RABGAP1L: variants seen among roughly 807,000 people sequenced by gnomAD.
RABGAP1L encodes RAB GTPase activating protein 1 like.
In RABGAP1L, 63 loss-of-function variants were observed where a neutral mutation model predicts 137.7. The ratio of observed to expected loss-of-function variants is 0.46; its 90% CI spans 0.37 to 0.56. RABGAP1L has a LOEUF of 0.56. Among genes scored for constraint, RABGAP1L ranks in the 20% least tolerant of loss-of-function variants. The probability of loss-of-function intolerance (pLI) is 0.00; values close to 1 mark genes in which losing one functional copy is unlikely to be tolerated. For missense variants in RABGAP1L, 1,095 were observed against 1,244.0 expected (o/e 0.88, Z 1.80); for synonymous variants, 431 against 433.7 (o/e 0.99, Z 0.08).
chr1:174,420,944 G>C (rs1414485818), intron 13 of RABGAP1L, among the ~76,000 whole-genome samples: 1 of 152,074 alleles, frequency 6.6e-6, no homozygotes, highest in East Asian at 1.9e-4. Flanking sequence ...CAAAGTGCTG[G>C]GATTACAGGT....
rs773449019 is a variant in RABGAP1L at position 174,991,455 on chromosome 1, G to GCTCTT, written c.*1454_*1455insCTCTT. 30 of 152,164 alleles carry GCTCTT rather than the reference G, an allele frequency of 2.0e-4. No individual in the cohort carries two copies. The highest frequency in any genetic ancestry group is 3.5e-4 in the Non-Finnish European group (24 of 68,028). The allele number at this position is 152,164 out of a possible 1,614,324, so 9.4% of individuals were successfully genotyped here. On this transcript the variant is annotated 3_prime_UTR_variant, in exon 26 of 26. Coordinates refer to ENST00000681986, the MANE Select transcript of RABGAP1L (RefSeq NM_001366446.1). Reference sequence around the variant, plus strand: ...TGCAATTAAAAGTAACACACCCTTAGAAGAATCAAATAAGAGCCATCTACA... The same window carrying GCTCTT: ...TGCAATTAAAAGTAACACACCCTTAGCTCTTAAGAATCAAATAAGAGCCATCTACA...
At chr1:174,622,913 A>G (rs187376512) in intron 13 of RABGAP1L, among the ~76,000 whole-genome samples, 18 of 152,184 alleles carry the variant, frequency 1.2e-4, no homozygotes, top group Non-Finnish European at 1.9e-4. Context: ...TTTGAAATGA[A>G]TTAGCGACTG....
chr1:174,702,554 C>G (rs924131087), intron 17 of RABGAP1L, among the ~76,000 whole-genome samples: 1 of 151,884 alleles, frequency 6.6e-6, no homozygotes, highest in East Asian at 1.9e-4. Flanking sequence ...TATAAAATGC[C>G]TTTAAGGTTA....
chr1:174,887,127 G>A (rs1655297322), intron 19 of RABGAP1L, among the ~76,000 whole-genome samples: 1 of 152,058 alleles, frequency 6.6e-6, no homozygotes. Context: ...TTTTGTCCAT[G>A]TTCCATTGAC....
intron 19 of RABGAP1L, among the ~76,000 whole-genome samples, chr1:174,953,925 T>A (rs921648901): frequency 1.3e-5 from 2 of 152,176 alleles, no homozygotes; most frequent in African/African-American, 4.8e-5. Context: ...GGGGAATTTA[T>A]CTTAAACAAA....
At chr1:174,538,410 T>A (rs1299888977) in intron 13 of RABGAP1L, among the ~76,000 whole-genome samples, 2 of 152,238 alleles carry the variant, frequency 1.3e-5, no homozygotes, top group Admixed American at 6.5e-5. Flanking sequence ...ATCTTTTACA[T>A]GTTTCCAAAC....
At chr1:174,451,820 A>C (rs1195019779) in intron 13 of RABGAP1L, among the ~76,000 whole-genome samples, 2 of 152,158 alleles carry the variant, frequency 1.3e-5, no homozygotes, top group Non-Finnish European at 2.9e-5. Context: ...GCTCAAACTT[A>C]CCAGTTTAGT....
chr1:174,612,769 C>A (rs1359168177), intron 13 of RABGAP1L, among the ~76,000 whole-genome samples: 2 of 152,206 alleles, frequency 1.3e-5, no homozygotes, highest in African/African-American at 4.8e-5. Context: ...TCAACTTCTT[C>A]CTGGTTTAGT....
At chr1:174,548,284 G>A in intron 13 of RABGAP1L, 1 of 1,312,242 alleles carries the variant, frequency 7.6e-7, no homozygotes, top group Non-Finnish European at 9.8e-7. Context: ...TATAACATTA[G>A]TTAAGTTGTT....
intron 20 of RABGAP1L, among the ~76,000 whole-genome samples, chr1:174,965,726 T>A (rs916569559): frequency 1.3e-5 from 2 of 152,200 alleles, no homozygotes; most frequent in Non-Finnish European, 2.9e-5. Context: ...GCTTTCCCAC[T>A]TGTCTGTGAG....
chr1:174,836,809 A>G (rs1029662678), intron 19 of RABGAP1L, among the ~76,000 whole-genome samples: 5 of 152,200 alleles, frequency 3.3e-5, no homozygotes, highest in Non-Finnish European at 4.4e-5. Flanking sequence ...TATGCTGAAC[A>G]CCCAGCATGA....
intron 1 of RABGAP1L, among the ~76,000 whole-genome samples, chr1:174,167,111 A>G (rs1664975270): frequency 1.3e-5 from 2 of 152,226 alleles, no homozygotes; most frequent in Admixed American, 6.5e-5. Context: ...GCACACCCCA[A>G]ACACCACGAT....
chr1:174,816,209 A>G (rs1413008512), intron 19 of RABGAP1L, among the ~76,000 whole-genome samples: 7 of 138,334 alleles, frequency 5.1e-5, no homozygotes, highest in Admixed American at 8.3e-5. Context: ...CTGGAGTGCA[A>G]TGGTGCCATC....
At chr1:174,886,143 G>T (rs545397127) in intron 19 of RABGAP1L, among the ~76,000 whole-genome samples, 2 of 151,574 alleles carry the variant, frequency 1.3e-5, no homozygotes, top group East Asian at 3.9e-4. Context: ...CCTATGGGTA[G>T]CTGGGATTAC....
In RABGAP1L at chr1:174,237,828, AT is replaced by A. The variant is rs1221686809; in HGVS notation, c.543-3653del. Among the ~76,000 whole-genome samples the A allele has an allele frequency of 1.0e-4, 15 of 150,164 alleles. No individual in the cohort carries two copies. In the East Asian group the frequency reaches 2.7e-3, roughly 27 times the overall value. ...TCTGAACGTTGGCCTGCCTTACTAG[AT>A]TGGGGAAATTCTCCTGGATAATATC... is the stretch of plus-strand genomic sequence containing the variant. On this transcript the variant is annotated intron_variant, in intron 4 of 25. Transcript: ENST00000681986.
intron 11 of RABGAP1L, among the ~76,000 whole-genome samples, chr1:174,322,227 GT>G (rs1270825699): frequency 6.6e-6 from 1 of 152,016 alleles, no homozygotes; most frequent in Non-Finnish European, 1.5e-5. Flanking sequence ...ATATAGGTCT[GT>G]TATCTATTTG....
intron 20 of RABGAP1L, 78 bp from the exon 21 acceptor site, chr1:174,969,199 T>C: frequency 1.8e-6 from 2 of 1,109,062 alleles, no homozygotes; most frequent in South Asian, 2.7e-5. Context: ...ACTTTGTTGC[T>C]TGTTTTTCCT....
At chr1:174,383,306 G>T (rs910751558) in intron 12 of RABGAP1L, among the ~76,000 whole-genome samples, 212 of 151,684 alleles carry the variant, frequency 1.4e-3, no homozygotes, top group Admixed American at 0.011. Flanking sequence ...CTTGAGCTGT[G>T]GTGGGCTCCA....
At chr1:174,317,620 T>TA (rs773645264) in intron 11 of RABGAP1L, among the ~76,000 whole-genome samples, 2 of 152,100 alleles carry the variant, frequency 1.3e-5, no homozygotes, top group Non-Finnish European at 2.9e-5. Flanking sequence ...GGAGGGGTGA[T>TA]ACTAGCACAC....
Sources: gnomAD v4.1 joint callset for allele counts (sites outside exome capture counted in the v4.1 genomes callset) on GRCh38, gnomAD v4.1.1 for gene constraint, MANE v1.5 for transcripts, NCBI Gene and HGNC (gene_info 2026-07-23, HGNC 2026-07-21) for gene names.